Variants in EPHA5 observed in about 807,000 individuals in gnomAD.
EPHA5 encodes ephrin type-A receptor 5.
A neutral mutation model predicts 105.0 loss-of-function variants in EPHA5; 60 were observed. That is an observed-to-expected ratio of 0.57 (90% CI 0.46 to 0.71). EPHA5 has a LOEUF of 0.71. Among genes scored for constraint, EPHA5 ranks in the 30% least tolerant of loss-of-function variants. The probability of loss-of-function intolerance (pLI) is 0.00; values close to 1 mark genes in which losing one functional copy is unlikely to be tolerated. For synonymous variants in EPHA5, 513 were observed against 449.1 expected (o/e 1.14, Z -1.80); for missense variants, 1,218 against 1,274.7 (o/e 0.96, Z 0.68).
intron 5 of EPHA5, among the ~76,000 whole-genome samples, chr4:65,427,357 T>C (rs1724544712): frequency 1.3e-5 from 2 of 151,906 alleles, no homozygotes; most frequent in Non-Finnish European, 2.9e-5. Flanking sequence ...CTAATTTTTG[T>C]ATTTTTAGTA....
intron 5 of EPHA5, among the ~76,000 whole-genome samples, chr4:65,429,204 G>A (rs936145525): frequency 2.6e-5 from 4 of 151,964 alleles, no homozygotes; most frequent in Admixed American, 6.6e-5. Flanking sequence ...AGCAGATAGC[G>A]TGGTGCATTT....
intron 3 of EPHA5, among the ~76,000 whole-genome samples, chr4:65,535,612 T>C (rs928987750): frequency 7.2e-5 from 11 of 152,174 alleles, no homozygotes; most frequent in African/African-American, 2.7e-4. Context: ...ACTATTAAGA[T>C]GCTGTTTTGC....
chr4:65,420,431 T>C lies in EPHA5; in HGVS notation c.1527+10A>G, dbSNP rs1463863371. 6.4e-7 allele frequency: 1 copy of C among 1,564,670 alleles called. No individual in the cohort carries two copies. The highest frequency in any genetic ancestry group is 1.2e-5 in the South Asian group (1 of 82,576). ...GAAAGTGAGGACATTTTTTATTCTGTTAGTCTTACCTTTTCAAAATACTTG... is the reference window on the plus strand; with the variant it reads ...GAAAGTGAGGACATTTTTTATTCTGCTAGTCTTACCTTTTCAAAATACTTG... On this transcript the variant is annotated intron_variant, in intron 6 of 16. Transcript: ENST00000613740.
intron 3 of EPHA5, among the ~76,000 whole-genome samples, chr4:65,579,815 T>C (rs1156316869): frequency 1.3e-5 from 2 of 151,918 alleles, no homozygotes; most frequent in Non-Finnish European, 2.9e-5. Context: ...TAGAACCTCC[T>C]GAGTTAGCCG....
intron 5 of EPHA5, among the ~76,000 whole-genome samples, chr4:65,457,391 C>A (rs62298050): frequency 0.25 from 37,708 of 151,994 alleles, 5,147 homozygotes; most frequent in Middle Eastern, 0.35. Context: ...TTGATAAAAA[C>A]CAACTATAAG....
intron 8 of EPHA5, among the ~76,000 whole-genome samples, chr4:65,396,989 T>C (rs1721306019): frequency 6.6e-6 from 1 of 152,060 alleles, no homozygotes; most frequent in Non-Finnish European, 1.5e-5. Flanking sequence ...GGCTCACAAA[T>C]CCCAAAATCC....
chr4:65,433,775 C>G (rs992887252), intron 5 of EPHA5, among the ~76,000 whole-genome samples: 1 of 152,158 alleles, frequency 6.6e-6, no homozygotes, highest in African/African-American at 2.4e-5. Context: ...GTTCAAAGCA[C>G]TTTCACTTGG....
At position 65,664,811 on chromosome 4, in the gene EPHA5, C is replaced by T. The variant is rs990245883; in HGVS notation, c.181+4751G>A. Among the ~76,000 whole-genome samples, 12 of 151,960 alleles carry T rather than the reference C, an allele frequency of 7.9e-5. 1 individual carries two copies. The highest frequency in any genetic ancestry group is 2.9e-4 in the African/African-American group (12 of 41,554). The stretch of plus-strand genomic sequence containing the variant: ...TAATGTTGCTTTTATAATCACAATT[C>T]ACTCTTTCTGAAAAGAAAAATGCAA... On this transcript the variant is annotated intron_variant, in intron 1 of 16. Transcript: ENST00000613740.
chr4:65,426,246 G>T (rs1258318644), intron 5 of EPHA5, among the ~76,000 whole-genome samples: 1 of 151,908 alleles, frequency 6.6e-6, no homozygotes, highest in Non-Finnish European at 1.5e-5. Context: ...CCCTTTCATG[G>T]ACATGACCTT....
At chr4:65,429,669 C>G (rs1050502147) in intron 5 of EPHA5, among the ~76,000 whole-genome samples, 5 of 151,910 alleles carry the variant, frequency 3.3e-5, no homozygotes, top group African/African-American at 1.2e-4. Context: ...ATTTAATTCA[C>G]TAGGAATTGT....
chr4:65,448,307 T>C (rs1726756580), intron 5 of EPHA5, among the ~76,000 whole-genome samples: 1 of 151,884 alleles, frequency 6.6e-6, no homozygotes, highest in African/African-American at 2.4e-5. Context: ...TGTAATTTTA[T>C]AATAATTATG....
intron 3 of EPHA5, among the ~76,000 whole-genome samples, chr4:65,593,065 A>C (rs1294973538): frequency 6.6e-6 from 1 of 152,120 alleles, no homozygotes; most frequent in African/African-American, 2.4e-5. Flanking sequence ...TTTTTTCTCT[A>C]CTTGTCTGTT....
intron 3 of EPHA5, among the ~76,000 whole-genome samples, chr4:65,544,173 C>A (rs2149327298): frequency 6.6e-6 from 1 of 152,046 alleles, no homozygotes; most frequent in African/African-American, 2.4e-5. Context: ...TAGGCAAAAA[C>A]TTCATGATGA....
intron 3 of EPHA5, among the ~76,000 whole-genome samples, chr4:65,515,145 C>T (rs12504386): frequency 0.12 from 18,217 of 152,090 alleles, 1,626 homozygotes; most frequent in East Asian, 0.35. Flanking sequence ...TTACACTGTC[C>T]CTTTCCATGC....
At chr4:65,333,527 GAGAGTGTGTGTC>G (rs1226848836) in intron 15 of EPHA5, among the ~76,000 whole-genome samples, 2 of 112,944 alleles carry the variant, frequency 1.8e-5, no homozygotes, top group South Asian at 3.1e-4. Context: ...GTGTGCGTGT[GAGAGTGTGTGTC>G]TGTGTGTGTG....
chr4:65,508,050 T>C (rs1378589381), intron 3 of EPHA5, among the ~76,000 whole-genome samples: 1 of 152,070 alleles, frequency 6.6e-6, no homozygotes, highest in East Asian at 1.9e-4. Context: ...ATGAACTAAA[T>C]ACTCATGAAA....
At chr4:65,526,461 A>T (rs1735240025) in intron 3 of EPHA5, among the ~76,000 whole-genome samples, 1 of 151,722 alleles carries the variant, frequency 6.6e-6, no homozygotes, top group Non-Finnish European at 1.5e-5. Flanking sequence ...CTTTACAAAA[A>T]ATTAAAAATT....
chr4:65,610,509 G>A (rs937104034), intron 2 of EPHA5, among the ~76,000 whole-genome samples: 5 of 151,362 alleles, frequency 3.3e-5, no homozygotes, highest in Non-Finnish European at 5.9e-5. Flanking sequence ...TGTGCCCCGA[G>A]AACCTAAAAT....
At chr4:65,563,049 C>T (rs1011431450) in intron 3 of EPHA5, among the ~76,000 whole-genome samples, 3 of 151,710 alleles carry the variant, frequency 2.0e-5, no homozygotes, top group African/African-American at 7.3e-5. Context: ...TAGTTAAAAC[C>T]TTGTGATCAT....
Sources: gnomAD v4.1 joint callset for allele counts (sites outside exome capture counted in the v4.1 genomes callset) on GRCh38, gnomAD v4.1.1 for gene constraint, MANE v1.5 for transcripts, NCBI Gene and HGNC (gene_info 2026-07-23, HGNC 2026-07-21) for gene names.